PSD3: variants seen among roughly 807,000 people sequenced by gnomAD.
PSD3 encodes PH and SEC7 domain-containing protein 3.
A neutral mutation model predicts 105.5 loss-of-function variants in PSD3; 49 were observed. The observed-to-expected ratio is 0.46, with a 90% confidence interval of 0.37 to 0.59. The LOEUF is 0.59. Ranked by LOEUF, PSD3 falls within the 20% of genes least tolerant of loss-of-function variation. The pLI is 0.00. For missense variants in PSD3, 1,561 were observed against 1,263.8 expected (o/e 1.24, Z -3.57); for synonymous variants, 557 against 457.8 (o/e 1.22, Z -2.77).
At chr8:18,843,510 G>A (rs1814826022) in intron 4 of PSD3, among the ~76,000 whole-genome samples, 1 of 152,044 alleles carries the variant, frequency 6.6e-6, no homozygotes, top group Non-Finnish European at 1.5e-5. Flanking sequence ...CCTCCTCCAT[G>A]GAAAGATACT....
chr8:18,848,661 G>A lies in PSD3; in HGVS notation c.1634+19013C>T, dbSNP rs116687016. ...ATTCTTGTATGTATGTGTAGTGGTGGGTGCCTATTTTTGTTGTTACTAAAA... is the reference window on the plus strand; with the variant it reads ...ATTCTTGTATGTATGTGTAGTGGTGAGTGCCTATTTTTGTTGTTACTAAAA... On this transcript the variant is annotated intron_variant, in intron 4 of 15. Coordinates refer to ENST00000327040, the MANE Select transcript of PSD3 (RefSeq NM_015310.4). 2.6e-3 allele frequency among the ~76,000 whole-genome samples: 399 copies of A among 152,236 alleles called. 3 individuals carry two copies. Among genetic ancestry groups the A allele is most frequent in the African/African-American group, 8.9e-3 (370 of 41,524 alleles).
intron 8 of PSD3, among the ~76,000 whole-genome samples, chr8:18,771,168 G>C (rs575031367): frequency 3.4e-4 from 52 of 152,246 alleles, no homozygotes; most frequent in African/African-American, 1.2e-3. Flanking sequence ...AGGAATGGGG[G>C]GCAGAGCAGG....
chr8:19,046,149 T>C (rs1828309237), intron 1 of PSD3, among the ~76,000 whole-genome samples: 1 of 152,224 alleles, frequency 6.6e-6, no homozygotes, highest in East Asian at 1.9e-4. Context: ...TCTCACTCTG[T>C]TGCCCAGGCC....
At chr8:19,038,996 T>C (rs1432581340) in intron 1 of PSD3, among the ~76,000 whole-genome samples, 1 of 152,152 alleles carries the variant, frequency 6.6e-6, no homozygotes, top group Non-Finnish European at 1.5e-5. Context: ...GCAGTTCAAC[T>C]CCAGAGCTCT....
rs1443411675 is a variant in PSD3 at position 18,632,872 on chromosome 8, T to C, written c.2217-66A>G. The C allele has an allele frequency of 3.1e-6, 4 of 1,298,408 alleles. 1 individual carries two copies. In the South Asian group the frequency reaches 6.1e-5, roughly 20 times the overall value. 80.4% of individuals were successfully genotyped at this position (1,298,408 alleles called of 1,614,324 possible). On this transcript the variant is annotated intron_variant, in intron 10 of 15. Coordinates refer to ENST00000327040, the MANE Select transcript of PSD3 (RefSeq NM_015310.4). ...CATAATATTCAAAGAAAAAGGTAAGTTATTGTAAAAAACTACATTGTATTC... is the reference window on the plus strand; with the variant it reads ...CATAATATTCAAAGAAAAAGGTAAGCTATTGTAAAAAACTACATTGTATTC...
At chr8:18,559,238 G>A (rs551653054) in intron 14 of PSD3, among the ~76,000 whole-genome samples, 1 of 152,250 alleles carries the variant, frequency 6.6e-6, no homozygotes, top group South Asian at 2.1e-4. Flanking sequence ...TCCACAGCAG[G>A]TCTGAAAGTT....
At chr8:19,071,348 T>G (rs556000893) in intron 1 of PSD3, among the ~76,000 whole-genome samples, 161 of 152,232 alleles carry the variant, frequency 1.1e-3, no homozygotes, top group African/African-American at 3.6e-3. Flanking sequence ...TATTCTTTAT[T>G]TCTTAATGAA....
At chr8:18,827,441 G>A (rs955658292) in intron 4 of PSD3, among the ~76,000 whole-genome samples, 1 of 152,184 alleles carries the variant, frequency 6.6e-6, no homozygotes, top group Non-Finnish European at 1.5e-5. Flanking sequence ...GTCAGAGAGG[G>A]GCGTGGAATG....
chr8:18,866,183 A>C (rs1159474748), intron 4 of PSD3, among the ~76,000 whole-genome samples: 1 of 152,166 alleles, frequency 6.6e-6, no homozygotes, highest in African/African-American at 2.4e-5. Flanking sequence ...TTTTATCACA[A>C]TTTGCAGTCC....
chr8:18,624,648 G>C (rs1806351777), intron 11 of PSD3, among the ~76,000 whole-genome samples: 1 of 144,618 alleles, frequency 6.9e-6, no homozygotes, highest in South Asian at 2.2e-4. Flanking sequence ...TAACTAACCT[G>C]CACATTGTGC....
intron 4 of PSD3, among the ~76,000 whole-genome samples, chr8:18,822,372 T>A (rs1812815036): frequency 6.6e-6 from 1 of 152,178 alleles, no homozygotes. Flanking sequence ...AACCAACCTG[T>A]GTTGTTCCTT....
At chr8:18,949,245 ATATATATATAT>A (rs1336628073) in intron 1 of PSD3, among the ~76,000 whole-genome samples, 16 of 35,238 alleles carry the variant, frequency 4.5e-4, no homozygotes, top group East Asian at 2.5e-3. Context: ...AAAAAAAAAA[ATATATATATAT>A]ATATATATAT....
chr8:18,907,067 C>G (rs1037522877), intron 2 of PSD3, among the ~76,000 whole-genome samples: 3 of 152,142 alleles, frequency 2.0e-5, no homozygotes, highest in Admixed American at 2.0e-4. Flanking sequence ...AGTATCATTA[C>G]AAAATAGTCC....
chr8:19,064,593 C>T (rs147853832), intron 1 of PSD3, among the ~76,000 whole-genome samples: 169 of 152,280 alleles, frequency 1.1e-3, no homozygotes, highest in African/African-American at 3.9e-3. Flanking sequence ...CTAAACGCTG[C>T]TCAGCAGATT....
intron 2 of PSD3, among the ~76,000 whole-genome samples, chr8:18,906,513 C>T (rs745696493): frequency 1.9e-4 from 29 of 152,274 alleles, no homozygotes; most frequent in Middle Eastern, 6.8e-3. Flanking sequence ...CATGTTACTA[C>T]TTGCTAGGAA....
chr8:18,609,537 T>C (rs1805102761), intron 11 of PSD3, among the ~76,000 whole-genome samples: 1 of 152,248 alleles, frequency 6.6e-6, no homozygotes, highest in Admixed American at 6.5e-5. Context: ...ACTGTTCTAT[T>C]TTCTCAGTGA....
chr8:18,820,630 A>G (rs2129449275), intron 4 of PSD3, among the ~76,000 whole-genome samples: 1 of 151,368 alleles, frequency 6.6e-6, no homozygotes, highest in Non-Finnish European at 1.5e-5. Flanking sequence ...GAACATTCTC[A>G]GTAGAGATGC....
rs141652689 is a variant in PSD3, at chr8:18,807,958, T to A, written c.1635-3060A>T. Among the ~76,000 whole-genome samples the A allele has an allele frequency of 3.5e-3, 528 of 152,180 alleles. 3 individuals are homozygous for A. The highest frequency in any genetic ancestry group is 0.012 in the African/African-American group (499 of 41,536). ...CCTGTCTATGATGTAAACATTTTTT[T>A]AAAAAGAGACTTAACACTACCATTC... On this transcript the variant is annotated intron_variant, in intron 4 of 15. Transcript: ENST00000327040.
intron 10 of PSD3, among the ~76,000 whole-genome samples, chr8:18,637,238 TCA>T: frequency 6.6e-6 from 1 of 152,360 alleles, no homozygotes; most frequent in South Asian, 2.1e-4. Flanking sequence ...TCTTTTTTTC[TCA>T]CTCTCATCAC....
Sources: gnomAD v4.1 joint callset for allele counts (sites outside exome capture counted in the v4.1 genomes callset) on GRCh38, gnomAD v4.1.1 for gene constraint, MANE v1.5 for transcripts, NCBI Gene and HGNC (gene_info 2026-07-23, HGNC 2026-07-21) for gene names.